Variants in CTDSPL observed in about 807,000 individuals in gnomAD.
The protein encoded by CTDSPL is CTD small phosphatase-like protein.
Under a neutral mutation model 30.5 loss-of-function variants are expected in CTDSPL, and 8 were observed. The ratio of observed to expected loss-of-function variants is 0.26; its 90% CI spans 0.15 to 0.47. The LOEUF is 0.47. CTDSPL is among the 20% of genes least tolerant of loss of function. CTDSPL has a pLI of 0.99. For synonymous variants in CTDSPL, 110 were observed against 137.9 expected, an observed-to-expected ratio of 0.80 and a Z score of 1.42; for missense variants, 248 against 366.1, an observed-to-expected ratio of 0.68 and a Z score of 2.63.
chr3:37,935,613 C>A (rs1698906088), intron 1 of CTDSPL, among the ~76,000 whole-genome samples: 1 of 152,170 alleles, frequency 6.6e-6, no homozygotes, highest in Admixed American at 6.5e-5. Flanking sequence ...CAGAGGAGCT[C>A]TTCTGAGAAG....
At chr3:37,928,492 G>A (rs1175140511) in intron 1 of CTDSPL, among the ~76,000 whole-genome samples, 1 of 152,144 alleles carries the variant, frequency 6.6e-6, no homozygotes, top group Admixed American at 6.5e-5. Flanking sequence ...GTGATGTCGT[G>A]CACCTTCTTA....
intron 3 of CTDSPL, among the ~76,000 whole-genome samples, chr3:37,964,216 G>A (rs1158707356): frequency 1.3e-5 from 2 of 151,992 alleles, no homozygotes; most frequent in Non-Finnish European, 2.9e-5. Flanking sequence ...AATAATAACT[G>A]TAGCCACCAA....
chr3:37,900,699 A>C (rs575244962), intron 1 of CTDSPL, among the ~76,000 whole-genome samples: 1 of 152,328 alleles, frequency 6.6e-6, no homozygotes, highest in South Asian at 2.1e-4. Flanking sequence ...CATGGAACCT[A>C]TCTCACATAT....
intron 1 of CTDSPL, among the ~76,000 whole-genome samples, chr3:37,946,277 A>G (rs1699036089): frequency 1.3e-5 from 2 of 152,240 alleles, no homozygotes; most frequent in African/African-American, 4.8e-5. Context: ...TTGGATAAAC[A>G]GAAAGGATGT....
At position 37,975,870 on chromosome 3, in the gene CTDSPL, A is replaced by G; in HGVS notation, c.681A>G (p.Ser227=). The change falls in exon 7 of 8, where the codon TCA becomes TCG. Residue 227 remains serine, a synonymous_variant. Coordinates refer to ENST00000273179, the MANE Select transcript of CTDSPL (RefSeq NM_001008392.2). The surrounding 1 kb of genome is among the most constrained non-coding windows in gnomAD (Gnocchi z 4.9). ...TCATTGTTGACAATTCCCCTGCCTC[A>G]TACATCTTCCATCCTGAGAATGCAG... ...KVIIVDNSPA[S]YIFHPENAVP... is the part of the protein sequence containing the mutation. The G allele has an allele frequency of 6.2e-7, 1 of 1,614,032 alleles. No individual in the cohort carries two copies. Among genetic ancestry groups the G allele is most frequent in the Non-Finnish European group, 8.5e-7 (1 of 1,179,886 alleles).
At chr3:37,926,254 G>T (rs1650736527) in intron 1 of CTDSPL, among the ~76,000 whole-genome samples, 1 of 152,186 alleles carries the variant, frequency 6.6e-6, no homozygotes, top group African/African-American at 2.4e-5. Flanking sequence ...GAGCAGAGCA[G>T]CAGGAGCTAG....
At chr3:37,968,437 C>A in intron 5 of CTDSPL, 1 of 224,636 alleles carries the variant, frequency 4.5e-6, no homozygotes, top group South Asian at 4.6e-5. Flanking sequence ...AGTTGGCATG[C>A]GTCTTCGTTG....
At chr3:37,935,489 T>C (rs1698904657) in intron 1 of CTDSPL, among the ~76,000 whole-genome samples, 2 of 151,552 alleles carry the variant, frequency 1.3e-5, no homozygotes, top group African/African-American at 4.9e-5. Flanking sequence ...GGCTAAGGGC[T>C]CAGATTCTAG....
At chr3:37,963,929 G>T (rs1194656349) in intron 3 of CTDSPL, among the ~76,000 whole-genome samples, 4 of 149,562 alleles carry the variant, frequency 2.7e-5, no homozygotes, top group African/African-American at 9.8e-5. Context: ...CACTGTACCT[G>T]GATTGGTCTT....
intron 1 of CTDSPL, among the ~76,000 whole-genome samples, chr3:37,878,980 C>T (rs899589756): frequency 2.0e-5 from 3 of 152,074 alleles, no homozygotes; most frequent in Non-Finnish European, 4.4e-5. Context: ...TGTACTGAAG[C>T]CCCAGCTCTG....
chr3:37,929,802 A>G lies in CTDSPL; in HGVS notation c.80-17255A>G, dbSNP rs1698828804. 1.3e-5 allele frequency among the ~76,000 whole-genome samples: 2 copies of G among 152,124 alleles called. 1 individual carries two copies. The highest frequency in any genetic ancestry group is 4.1e-4 in the South Asian group (2 of 4,830). On this transcript the variant is annotated intron_variant, in intron 1 of 7. Transcript: ENST00000273179. Reference sequence around the variant, plus strand: ...CTAATTGCCCTGACTAGAATTTCCCATAATGTGTACAGTAGAAATGGCAAG... The same window carrying G: ...CTAATTGCCCTGACTAGAATTTCCCGTAATGTGTACAGTAGAAATGGCAAG...
intron 1 of CTDSPL, among the ~76,000 whole-genome samples, chr3:37,931,591 C>T (rs1319083686): frequency 6.6e-6 from 1 of 152,126 alleles, no homozygotes; most frequent in Non-Finnish European, 1.5e-5. Context: ...CTTCTTTCCT[C>T]TCTTTCTGCC....
Position 37,964,769 on chromosome 3 carries a change from A to G in CTDSPL, c.369+97A>G. The G allele has an allele frequency of 3.4e-6, 3 of 877,362 alleles. No individual in the cohort carries two copies. In the South Asian group the frequency reaches 4.8e-5, roughly 14 times the overall value. 54.3% of individuals were successfully genotyped at this position (877,362 alleles called of 1,614,324 possible). A position where few individuals can be genotyped will look rare whatever the true frequency, so the allele number is the denominator to read the frequency against. ...AAAAGGATGAAAGCTTATGGTGGTT[A>G]GTGTGTGACTTCACTCTTCATGTAG... On this transcript the variant is annotated intron_variant, in intron 4 of 7. Transcript: ENST00000273179.
intron 1 of CTDSPL, among the ~76,000 whole-genome samples, chr3:37,927,592 A>C (rs988292377): frequency 5.3e-5 from 8 of 150,280 alleles, no homozygotes; most frequent in Non-Finnish European, 1.2e-4. Context: ...GGCTTCTCCC[A>C]AGGCCAGTCT....
rs752905675 is a variant in CTDSPL, at chr3:37,941,000, T to TTTA, written c.80-6057_80-6056insTTA. On this transcript the variant is annotated intron_variant, in intron 1 of 7. Coordinates refer to ENST00000273179, the MANE Select transcript of CTDSPL (RefSeq NM_001008392.2). ...TAAGCTGCCCCATTCATAGACCCTC[T>TTTA]GTAAGCCTATTGCTGGCAGATAGGA... Among the ~76,000 whole-genome samples, 91 of 150,428 alleles carry TTTA rather than the reference T, an allele frequency of 6.0e-4. 6 individuals carry two copies. The highest frequency in any genetic ancestry group is 9.3e-4 in the Admixed American group (14 of 15,002).
intron 1 of CTDSPL, among the ~76,000 whole-genome samples, chr3:37,867,197 A>G (rs1380761484): frequency 6.6e-6 from 1 of 152,126 alleles, no homozygotes; most frequent in African/African-American, 2.4e-5. Flanking sequence ...ACATTATCTA[A>G]ATGGAATCAA....
chr3:37,920,672 AAGT>A (rs1698702167), intron 1 of CTDSPL, among the ~76,000 whole-genome samples: 1 of 152,192 alleles, frequency 6.6e-6, no homozygotes. Context: ...TCCTTCTAAA[AAGT>A]AGGATTTTCA....
Position 37,983,392 on chromosome 3 carries a change from T to G in CTDSPL, c.*2525T>G, listed in dbSNP as rs1699515261. On this transcript the variant is annotated 3_prime_UTR_variant, in exon 8 of 8. Transcript: ENST00000273179. ...CAAGAAATGAGACGAATGTTTGGGG[T>G]TTATGTTTTTTAAGGTAAATACGGG... The G allele has an allele frequency of 6.6e-6, 1 of 152,488 alleles. No homozygotes were observed. The highest frequency in any genetic ancestry group is 1.5e-5 in the Non-Finnish European group (1 of 68,008). 9.4% of individuals were successfully genotyped at this position (152,488 alleles called of 1,614,324 possible).
intron 1 of CTDSPL, among the ~76,000 whole-genome samples, chr3:37,868,423 C>A (rs1483487433): frequency 6.6e-6 from 1 of 151,992 alleles, no homozygotes; most frequent in Non-Finnish European, 1.5e-5. Context: ...TGATAAGGTG[C>A]AATATATAAA....
Sources: gnomAD v4.1 joint callset for allele counts (sites outside exome capture counted in the v4.1 genomes callset) on GRCh38, gnomAD v4.1.1 for gene constraint, Gnocchi (gnomAD v3.1) non-coding constraint, MANE v1.5 for transcripts, NCBI Gene and HGNC (gene_info 2026-07-23, HGNC 2026-07-21) for gene names.